The following RBFOX1 variants were observed in gnomAD, a reference collection of about 807,000 sequenced individuals.
RBFOX1 encodes the protein RNA binding protein fox-1 homolog 1.
Under a neutral mutation model 57.7 loss-of-function variants are expected in RBFOX1, and 8 were observed. The ratio of observed to expected loss-of-function variants is 0.14; its 90% confidence interval spans 0.08 to 0.25. The LOEUF is 0.25. Ranked by LOEUF, RBFOX1 falls within the 10% of genes least tolerant of loss-of-function variation. RBFOX1 has a pLI of 1.00. For synonymous variants in RBFOX1, 326 were observed against 222.4 expected (o/e 1.47, Z -4.15); for missense variants, 611 against 548.5 (o/e 1.11, Z -1.14).
At chr16:5,852,133 GT>G (rs1567625208) in intron 3 of RBFOX1, among the ~76,000 whole-genome samples, 1 of 152,268 alleles carries the variant, frequency 6.6e-6, no homozygotes, top group African/African-American at 2.4e-5. Context: ...AGTTAACCGG[GT>G]TTTTCCCCCT....
intron 2 of RBFOX1, among the ~76,000 whole-genome samples, chr16:6,500,240 A>G (rs2095873091): frequency 6.6e-6 from 1 of 152,186 alleles, no homozygotes; most frequent in African/African-American, 2.4e-5. Context: ...TTGGCAAAAT[A>G]CCTAGGAGCT....
chr16:6,651,596 G>A (rs932062726), intron 2 of RBFOX1, among the ~76,000 whole-genome samples: 2 of 152,198 alleles, frequency 1.3e-5, no homozygotes, highest in Non-Finnish European at 2.9e-5. Flanking sequence ...GAACACTTGT[G>A]CACTGTTAGT....
At chr16:5,710,263 A>G (rs928987873) in intron 3 of RBFOX1, among the ~76,000 whole-genome samples, 1 of 152,156 alleles carries the variant, frequency 6.6e-6, no homozygotes, top group Non-Finnish European at 1.5e-5. Flanking sequence ...AGGTAACCCA[A>G]TGTCACACAG....
chr16:5,844,653 TAAAAA>T (rs1040264122), intron 3 of RBFOX1, among the ~76,000 whole-genome samples: 1 of 151,750 alleles, frequency 6.6e-6, no homozygotes, highest in African/African-American at 2.4e-5. Context: ...CTGAATGAAA[TAAAAA>T]AAAGGATATT....
chr16:5,943,966 C>T (rs539500863), intron 4 of RBFOX1, among the ~76,000 whole-genome samples: 25 of 127,974 alleles, frequency 2.0e-4, no homozygotes, highest in African/African-American at 8.4e-4. Flanking sequence ...CATCCATCCA[C>T]CCCCCCACCC....
At chr16:5,715,437 T>C (rs1198628847) in intron 3 of RBFOX1, among the ~76,000 whole-genome samples, 3 of 152,216 alleles carry the variant, frequency 2.0e-5, no homozygotes, top group African/African-American at 7.2e-5. Flanking sequence ...ATATTTATGG[T>C]GTATCTCAAA....
chr16:7,515,385 G>A (rs2076138265), intron 4 of RBFOX1, among the ~76,000 whole-genome samples: 1 of 151,352 alleles, frequency 6.6e-6, no homozygotes, highest in Admixed American at 6.6e-5. Context: ...GGAGATTTAA[G>A]TACAGCATGG....
chr16:6,541,074 G>A (rs1247510690), intron 2 of RBFOX1, among the ~76,000 whole-genome samples: 1 of 152,128 alleles, frequency 6.6e-6, no homozygotes, highest in East Asian at 1.9e-4. Context: ...AGATGGAAAA[G>A]CTCTAAGATA....
chr16:6,538,267 A>G (rs1026638005), intron 2 of RBFOX1, among the ~76,000 whole-genome samples: 5 of 152,206 alleles, frequency 3.3e-5, no homozygotes, highest in African/African-American at 1.2e-4. Flanking sequence ...AGGCAGGAAG[A>G]GTCCTTGAAC....
chr16:6,815,686 T>A (rs3885987), intron 3 of RBFOX1, among the ~76,000 whole-genome samples: 1 of 151,902 alleles, frequency 6.6e-6, no homozygotes, highest in Non-Finnish European at 1.5e-5. Context: ...AAACCTAGAC[T>A]TGTTCAGCGA....
intron 2 of RBFOX1, among the ~76,000 whole-genome samples, chr16:6,372,669 G>A (rs998410386): frequency 6.6e-6 from 1 of 151,870 alleles, no homozygotes; most frequent in African/African-American, 2.4e-5. Context: ...ATAGTTGGAT[G>A]GAAGGATAGT....
chr16:6,853,225 A>C (rs1321244804), intron 3 of RBFOX1, among the ~76,000 whole-genome samples: 1 of 152,160 alleles, frequency 6.6e-6, no homozygotes, highest in Non-Finnish European at 1.5e-5. Flanking sequence ...TGTGAGCATT[A>C]ATGATAGTAT....
intron 1 of RBFOX1, among the ~76,000 whole-genome samples, chr16:6,260,406 G>T (rs79194354): frequency 2.8e-4 from 42 of 152,152 alleles, no homozygotes; most frequent in Non-Finnish European, 1.0e-4. Context: ...TTGCAGCCAG[G>T]TTGGAATGAA....
chr16:7,522,602 G>A (rs971187780), intron 5 of RBFOX1, among the ~76,000 whole-genome samples: 5 of 152,266 alleles, frequency 3.3e-5, no homozygotes, highest in East Asian at 1.9e-4. Context: ...AGAAGAGATT[G>A]CATCTGAGAA....
At chr16:5,901,835 A>G (rs1235480180) in intron 4 of RBFOX1, among the ~76,000 whole-genome samples, 1 of 152,168 alleles carries the variant, frequency 6.6e-6, no homozygotes, top group East Asian at 1.9e-4. Context: ...GCTTTTGCTT[A>G]TCATTTCGTC....
intron 2 of RBFOX1, among the ~76,000 whole-genome samples, chr16:6,352,013 C>A (rs1052432071): frequency 1.3e-5 from 2 of 152,148 alleles, no homozygotes; most frequent in Non-Finnish European, 1.5e-5. Context: ...CCCAAACCTA[C>A]CCTTTTTCAG....
intron 1 of RBFOX1, among the ~76,000 whole-genome samples, chr16:6,108,114 T>C (rs2096403978): frequency 6.6e-6 from 1 of 152,206 alleles, no homozygotes. Flanking sequence ...CATACATGTA[T>C]TACTTCTTAA....
At chr16:5,334,764 C>T (rs774284427) in intron 1 of RBFOX1, among the ~76,000 whole-genome samples, 2 of 151,558 alleles carry the variant, frequency 1.3e-5, no homozygotes, top group East Asian at 2.0e-4. Context: ...CACTGTCCAA[C>T]GTTAAAGATG....
At chr16:7,172,528 C>G (rs777233520) in intron 4 of RBFOX1, among the ~76,000 whole-genome samples, 3 of 152,138 alleles carry the variant, frequency 2.0e-5, no homozygotes, top group Admixed American at 1.3e-4. Flanking sequence ...CAAATTAGCA[C>G]TACCTCCTGA....
Sources: allele counts gnomAD v4.1 joint callset (sites outside exome capture counted in the v4.1 genomes callset), GRCh38; gene constraint gnomAD v4.1.1; transcripts MANE v1.5; gene names NCBI Gene and HGNC (gene_info 2026-07-23, HGNC 2026-07-21).